Variants in LUZP2 observed in about 807,000 individuals in gnomAD.
LUZP2 encodes the protein leucine zipper protein 2.
A neutral mutation model predicts 51.6 loss-of-function variants in LUZP2; 52 were observed. The observed-to-expected ratio is 1.01, with a 90% CI of 0.81 to 1.27. LUZP2 has a LOEUF of 1.27. Ranked by LOEUF, LUZP2 falls within the 50% of genes most tolerant of loss-of-function variation. The pLI, the probability that LUZP2 is intolerant of heterozygous loss-of-function variation, is 0.00. For synonymous variants in LUZP2, 154 were observed against 137.3 expected, an observed-to-expected ratio of 1.12 and a Z score of -0.85; for missense variants, 436 against 395.4, an observed-to-expected ratio of 1.10 and a Z score of -0.87.
chr11:24,686,959 A>G (rs1396718230), intron 1 of LUZP2, among the ~76,000 whole-genome samples: 4 of 152,148 alleles, frequency 2.6e-5, no homozygotes, highest in Non-Finnish European at 4.4e-5. Context: ...CCCAAAGACA[A>G]CTTGGTCACT....
At chr11:24,621,509 G>A (rs1047241366) in intron 1 of LUZP2, among the ~76,000 whole-genome samples, 1 of 152,142 alleles carries the variant, frequency 6.6e-6, no homozygotes, top group Admixed American at 6.5e-5. Context: ...GAGAACACTA[G>A]CAACAAAGAT....
chr11:24,575,811 T>A (rs1377372110), intron 1 of LUZP2, among the ~76,000 whole-genome samples: 6 of 152,092 alleles, frequency 3.9e-5, no homozygotes, highest in Admixed American at 3.3e-4. Flanking sequence ...CTTACCAGCA[T>A]TTTTGCCTTT....
At chr11:24,505,091 A>G (rs1850108560) in intron 1 of LUZP2, among the ~76,000 whole-genome samples, 1 of 152,152 alleles carries the variant, frequency 6.6e-6, no homozygotes, top group Non-Finnish European at 1.5e-5. Context: ...TTTCAGAGCT[A>G]AGGTATTGGT....
intron 4 of LUZP2, among the ~76,000 whole-genome samples, chr11:24,745,208 A>T (rs1473235253): frequency 6.6e-6 from 1 of 152,154 alleles, no homozygotes; most frequent in African/African-American, 2.4e-5. Flanking sequence ...AACGTTCTGT[A>T]TATATCTGTT....
chr11:24,979,168 A>C (rs2133908556), intron 8 of LUZP2, among the ~76,000 whole-genome samples: 1 of 151,976 alleles, frequency 6.6e-6, no homozygotes, highest in African/African-American at 2.4e-5. Context: ...AACATTCATT[A>C]AATAAGCTTA....
chr11:24,778,941 C>T (rs934975802), intron 5 of LUZP2, among the ~76,000 whole-genome samples: 1 of 152,096 alleles, frequency 6.6e-6, no homozygotes, highest in Non-Finnish European at 1.5e-5. Context: ...ATGTAAATTC[C>T]AACTGAGTGG....
chr11:24,902,008 C>T (rs1380681438), intron 5 of LUZP2, among the ~76,000 whole-genome samples: 1 of 152,038 alleles, frequency 6.6e-6, no homozygotes, highest in Non-Finnish European at 1.5e-5. Context: ...ATAAATCAAA[C>T]ATAGGTTAAT....
intron 1 of LUZP2, among the ~76,000 whole-genome samples, chr11:24,686,047 A>G (rs981316681): frequency 6.6e-6 from 1 of 152,112 alleles, no homozygotes; most frequent in East Asian, 1.9e-4. Context: ...TTACGAAATC[A>G]TTTCACTCTT....
intron 1 of LUZP2, among the ~76,000 whole-genome samples, chr11:24,557,419 A>C (rs1163453066): frequency 6.6e-6 from 1 of 152,162 alleles, no homozygotes; most frequent in Admixed American, 6.6e-5. Context: ...TATGTACAGC[A>C]GTTTCTTGGT....
chr11:24,757,672 T>C (rs1859825317), intron 4 of LUZP2, among the ~76,000 whole-genome samples: 1 of 151,800 alleles, frequency 6.6e-6, no homozygotes, highest in African/African-American at 2.4e-5. Flanking sequence ...TTTGAAAAGA[T>C]TATGCTAAAG....
intron 1 of LUZP2, among the ~76,000 whole-genome samples, chr11:24,550,905 T>G (rs1350987802): frequency 6.6e-6 from 1 of 152,028 alleles, no homozygotes; most frequent in Non-Finnish European, 1.5e-5. Flanking sequence ...ATGGGGCCAC[T>G]GCACTCCATC....
intron 1 of LUZP2, among the ~76,000 whole-genome samples, chr11:24,656,904 A>G (rs534048372): frequency 1.3e-5 from 2 of 152,158 alleles, no homozygotes; most frequent in South Asian, 2.1e-4. Context: ...ATTCAGGGTA[A>G]TCTCTTTATC....
At chr11:24,538,003 T>C (rs1233093111) in intron 1 of LUZP2, among the ~76,000 whole-genome samples, 1 of 132,400 alleles carries the variant, frequency 7.6e-6, no homozygotes, top group Admixed American at 7.9e-5. Flanking sequence ...ATGAGGTTTT[T>C]ATAGGGCCAC....
intron 1 of LUZP2, among the ~76,000 whole-genome samples, chr11:24,647,591 A>C (rs1855501000): frequency 6.6e-6 from 1 of 151,970 alleles, no homozygotes. Flanking sequence ...CTAATTGGAA[A>C]TCACTCACAC....
intron 5 of LUZP2, among the ~76,000 whole-genome samples, chr11:24,767,974 T>C (rs1860258177): frequency 8.5e-5 from 1 of 11,736 alleles, no homozygotes; most frequent in Non-Finnish European, 2.4e-4. Context: ...TATCATTTCT[T>C]TTTTTTTTGA....
At chr11:24,685,356 T>C (rs1308315594) in intron 1 of LUZP2, among the ~76,000 whole-genome samples, 1 of 152,130 alleles carries the variant, frequency 6.6e-6, no homozygotes, top group Non-Finnish European at 1.5e-5. Flanking sequence ...TTAAAGTCCT[T>C]AGCTCTTCAT....
chr11:24,712,410 A>T (rs1857867658), intron 1 of LUZP2, among the ~76,000 whole-genome samples: 1 of 150,104 alleles, frequency 6.7e-6, no homozygotes, highest in African/African-American at 2.4e-5. Context: ...ATCCTGCCTA[A>T]AAAAAAAAAT....
rs536364886 is a variant in LUZP2 at position 24,980,149 on chromosome 11, C to T, written c.598-2977C>T. Among the ~76,000 whole-genome samples, 18 of 151,774 alleles carry T rather than the reference C, an allele frequency of 1.2e-4. No homozygotes were observed. The South Asian group carries it at 3.5e-3, about 30-fold the overall frequency. On this transcript the variant is annotated intron_variant, in intron 8 of 11. Coordinates refer to ENST00000336930, the MANE Select transcript of LUZP2 (RefSeq NM_001009909.4). ...CATGGTCTTTCCAAAGCTGGCAGTTCAGGACTTGGTGTCTTCATTTAAAAG... is the reference window on the plus strand; with the variant it reads ...CATGGTCTTTCCAAAGCTGGCAGTTTAGGACTTGGTGTCTTCATTTAAAAG...
rs545892789 is a variant in LUZP2, at chr11:24,837,154, G to T, written c.397-68837G>T. Among the ~76,000 whole-genome samples, 18 of 151,690 alleles carry T rather than the reference G, an allele frequency of 1.2e-4. 1 individual carries two copies. Among genetic ancestry groups the T allele is most frequent in the South Asian group, 1.0e-3 (5 of 4,812 alleles). On this transcript the variant is annotated intron_variant, in intron 5 of 11. Coordinates refer to ENST00000336930, the MANE Select transcript of LUZP2 (RefSeq NM_001009909.4). ...TCTCTGACATTTCTGACATATATTA[G>T]AATATATATGGTAATTATGTGCCAT...
Sources: allele counts gnomAD v4.1 joint callset (sites outside exome capture counted in the v4.1 genomes callset), GRCh38; gene constraint gnomAD v4.1.1; transcripts MANE v1.5; gene names NCBI Gene and HGNC (gene_info 2026-07-23, HGNC 2026-07-21).